The following TTC23L variants were observed in gnomAD, a reference collection of about 807,000 sequenced individuals.
TTC23L encodes tetratricopeptide repeat protein 23-like.
A neutral mutation model predicts 48.1 loss-of-function variants in TTC23L; 42 were observed. The observed-to-expected ratio is 0.87, with a 90% CI of 0.68 to 1.13. The LOEUF (loss-of-function observed/expected upper bound fraction) is 1.13. Among genes scored for constraint, TTC23L ranks in the 50% most tolerant of loss-of-function variants. The pLI is 0.00. For synonymous variants in TTC23L, 159 were observed against 157.2 expected (o/e 1.01, Z -0.09); for missense variants, 391 against 421.0 (o/e 0.93, Z 0.62).
At chr5:34,922,351 A>T in the TTC23L span, 1 of 1,095,082 alleles carries the variant, frequency 9.1e-7, no homozygotes, top group Non-Finnish European at 1.4e-6. Context: ...TGTACCTTTT[A>T]TGTTATAGAC....
the TTC23L span, chr5:34,907,455 A>G: frequency 6.6e-6 from 1 of 152,230 alleles, no homozygotes; most frequent in Admixed American, 6.5e-5. Context: ...CACCTGGTAC[A>G]GTAACAAAGA....
At chr5:34,909,057 T>C in the TTC23L span, 37 of 1,109,732 alleles carry the variant, frequency 3.3e-5, no homozygotes, top group African/African-American at 4.7e-5. Flanking sequence ...CAAGTACTTA[T>C]CCAATTTGCT....
At chr5:34,839,483 C>A in intron 1 of TTC23L, 2 of 243,136 alleles carry the variant, frequency 8.2e-6, no homozygotes, top group Non-Finnish European at 1.3e-5. Context: ...AAAAGAGGAG[C>A]GATTCGTCCT....
Position 34,868,971 on chromosome 5 carries a change from C to T in TTC23L, c.907C>T (p.Leu303=). 3 of 1,610,912 alleles carry T rather than the reference C, an allele frequency of 1.9e-6. No individual in the cohort carries two copies. In the South Asian group the frequency reaches 3.3e-5, roughly 18 times the overall value. ...CAAAACTGCAGAAATGAGTGCGTTA[C>T]TGGCCAAAGCTTATGCCATGTCTGG... The change falls in exon 8 of 11, where the codon CTG becomes TTG. Residue 303 remains leucine, a synonymous_variant. Coordinates refer to ENST00000505624, the Ensembl canonical transcript of TTC23L.
At position 34,863,242 on chromosome 5, in the gene TTC23L, AT is replaced by A. The variant is rs1760813036; in HGVS notation, c.536+189del. On this transcript the variant is annotated intron_variant, in intron 5 of 10. Transcript: ENST00000505624. This position sits in a 1 kb window ranked among gnomAD's most constrained non-coding sequence, Gnocchi z 4.1. ...GTATTCTCTTCCTATGTCTATTCAT[AT>A]AAGCTCTGAGTTGAGCCACGGAAGA... Among the ~76,000 whole-genome samples the A allele has an allele frequency of 6.6e-6, 1 of 152,182 alleles. No individual in the cohort carries two copies. Among genetic ancestry groups the A allele is most frequent in the Admixed American group, 6.5e-5 (1 of 15,274 alleles).
the TTC23L span, chr5:34,914,459 C>A: frequency 1.9e-6 from 1 of 534,492 alleles, no homozygotes; most frequent in Admixed American, 3.3e-5. Flanking sequence ...CATTACTAAC[C>A]ATTATCTCTG....
intron 9 of TTC23L, among the ~76,000 whole-genome samples, chr5:34,887,043 T>C (rs1266306939): frequency 6.6e-6 from 1 of 152,186 alleles, no homozygotes; most frequent in African/African-American, 2.4e-5. Context: ...CCTAAGTTTA[T>C]TCAAAGTCAG....
chr5:34,908,894 C>T, the TTC23L span: 1 of 1,612,492 alleles, frequency 6.2e-7, no homozygotes, highest in Non-Finnish European at 8.5e-7. Flanking sequence ...GAATAGATAC[C>T]TTACAAGATA....
chr5:34,847,687 C>T (rs1759328030), intron 3 of TTC23L, among the ~76,000 whole-genome samples: 1 of 152,134 alleles, frequency 6.6e-6, no homozygotes, highest in Non-Finnish European at 1.5e-5. Context: ...TTTTTCATGG[C>T]ATGATGCTTC....
rs1052667089 is a variant in TTC23L at position 34,885,713 on chromosome 5, C to T, written c.1077+5405C>T. Reference sequence around the variant, plus strand: ...CATGAGCCCTGATCACACCCCTGCACGCCAGCCTGAGCAACAGAGTGAGGC... The same window carrying T: ...CATGAGCCCTGATCACACCCCTGCATGCCAGCCTGAGCAACAGAGTGAGGC... On this transcript the variant is annotated intron_variant, in intron 9 of 10. Transcript: ENST00000505624. Among the ~76,000 whole-genome samples, 13 of 150,862 alleles carry T rather than the reference C, an allele frequency of 8.6e-5. No homozygotes were observed. In the East Asian group the frequency reaches 1.2e-3, roughly 14 times the overall value.
At chr5:34,895,163 G>T (rs1161686284) in intron 9 of TTC23L, among the ~76,000 whole-genome samples, 1 of 152,168 alleles carries the variant, frequency 6.6e-6, no homozygotes, top group Non-Finnish European at 1.5e-5. Flanking sequence ...AGTTCTGATT[G>T]TTAGAAGAAT....
chr5:34,891,166 GATA>G (rs1413711254), intron 9 of TTC23L, among the ~76,000 whole-genome samples: 3 of 152,130 alleles, frequency 2.0e-5, no homozygotes, highest in Non-Finnish European at 4.4e-5. Context: ...AAGTACAAGA[GATA>G]ATATGTCAGA....
At chr5:34,888,359 A>C in intron 9 of TTC23L, 1 of 323,948 alleles carries the variant, frequency 3.1e-6, no homozygotes, top group Non-Finnish European at 4.4e-6. Flanking sequence ...ACTTGTGACA[A>C]GATCTCAGTT....
At chr5:34,866,943 G>T in exon 7 of TTC23L, 7 of 1,609,778 alleles carry the variant, frequency 4.3e-6, no homozygotes, top group Non-Finnish European at 5.9e-6. Context: ...ACTTTGAAAA[G>T]GCAATTGGCG....
At chr5:34,922,931 A>G in the TTC23L span, 1 of 1,289,500 alleles carries the variant, frequency 7.8e-7, no homozygotes, top group Non-Finnish European at 1.1e-6. Context: ...CAAGTTATAG[A>G]AACAAATGAG....
chr5:34,901,539 G>T (rs192531955), downstream of TTC23L, among the ~76,000 whole-genome samples: 296 of 152,276 alleles, frequency 1.9e-3, 1 homozygote, highest in Non-Finnish European at 3.3e-3. Flanking sequence ...GAGGCAGGCG[G>T]ATCATCTGAG....
the TTC23L span, chr5:34,919,880 C>T: frequency 2.5e-5 from 29 of 1,168,052 alleles, no homozygotes; most frequent in Non-Finnish European, 3.3e-5. Context: ...TTGTGATTAA[C>T]GAGGTAATTT....
rs1360998426 is a variant in TTC23L, at chr5:34,863,175, C to T, written c.536+121C>T. The stretch of plus-strand genomic sequence containing the variant: ...AGGCCTTGTAGATCTGTTCCAACAT[C>T]AAGGCCCTCCATGAGCCTCTCCTCT... On this transcript the variant is annotated intron_variant, in intron 5 of 10. Coordinates refer to ENST00000505624, the Ensembl canonical transcript of TTC23L. This position sits in a 1 kb window ranked among gnomAD's most constrained non-coding sequence, Gnocchi z 4.1. 3 of 1,226,128 alleles carry T rather than the reference C, an allele frequency of 2.4e-6. No homozygotes were observed. The highest frequency in any genetic ancestry group is 3.4e-6 in the Non-Finnish European group (3 of 869,710). The allele number at this position is 1,226,128 out of a possible 1,614,324, so 76.0% of individuals were successfully genotyped here. A position where few individuals can be genotyped will look rare whatever the true frequency, so the allele number is the denominator to read the frequency against.
intron 9 of TTC23L, chr5:34,883,408 A>G (rs1383484926): frequency 6.5e-6 from 1 of 152,838 alleles, no homozygotes; most frequent in Non-Finnish European, 1.5e-5. Flanking sequence ...AAAAAAAGGA[A>G]GTCAAAGAGA....
Sources: allele counts gnomAD v4.1 joint callset (sites outside exome capture counted in the v4.1 genomes callset), GRCh38; gene constraint gnomAD v4.1.1; non-coding constraint Gnocchi (gnomAD v3.1); transcripts MANE v1.5; gene names NCBI Gene and HGNC (gene_info 2026-07-23, HGNC 2026-07-21).